GALNTL6: variants seen among roughly 807,000 people sequenced by gnomAD.
The protein encoded by GALNTL6 is polypeptide N-acetylgalactosaminyltransferase-like 6.
In GALNTL6, 46 loss-of-function variants were observed where a neutral mutation model predicts 73.7. The ratio of observed to expected loss-of-function variants is 0.62; its 90% CI spans 0.49 to 0.80. GALNTL6 has a LOEUF of 0.80. Ranked by LOEUF, GALNTL6 falls within the 30% of genes least tolerant of loss-of-function variation. GALNTL6 has a pLI of 0.00. For synonymous variants in GALNTL6, 259 were observed against 263.7 expected, an observed-to-expected ratio of 0.98 and a Z score of 0.17; for missense variants, 604 against 755.0, an observed-to-expected ratio of 0.80 and a Z score of 2.34.
intron 4 of GALNTL6, among the ~76,000 whole-genome samples, chr4:172,341,743 C>G (rs1421809453): frequency 6.6e-6 from 1 of 152,194 alleles, no homozygotes; most frequent in African/African-American, 2.4e-5. Flanking sequence ...CCTTCCCTCC[C>G]TCCATGATTG....
Position 172,539,907 on chromosome 4 carries a change from A to AT in GALNTL6, c.553+191218_553+191219insT, listed in dbSNP as rs1054014774. ...TATATATATATATATATATATATAT[A>AT]AAAAATCTCATTTAATTTTCATGAT... is the stretch of plus-strand genomic sequence containing the variant. On this transcript the variant is annotated intron_variant, in intron 5 of 12. Transcript: ENST00000506823. 4.0e-3 allele frequency among the ~76,000 whole-genome samples: 391 copies of AT among 98,160 alleles called. 4 individuals carry two copies. Among genetic ancestry groups the AT allele is most frequent in the South Asian group, 0.012 (42 of 3,612 alleles). 64.4% of individuals were successfully genotyped at this position (98,160 alleles called of 152,430 possible).
At position 171,814,445 on chromosome 4, in the gene GALNTL6, G is replaced by T. The variant is rs567639394; in HGVS notation, c.-136G>T. The T allele has an allele frequency of 1.2e-6, 1 of 828,726 alleles. No homozygotes were observed. The highest frequency in any genetic ancestry group is 1.7e-5 in the African/African-American group (1 of 57,930). The allele number at this position is 828,726 out of a possible 1,614,324, so 51.3% of individuals were successfully genotyped here. ...CTCCCTCTGAATCCTGCAGATTGGT[G>T]CTGAGCACGCAACAAAAGTTTGTAG... is the stretch of plus-strand genomic sequence containing the variant. On this transcript the variant is annotated 5_prime_UTR_variant, in exon 2 of 13. Transcript: ENST00000506823.
rs147073789 is a variant in GALNTL6 at position 172,915,510 on chromosome 4, T to C, written c.1042-15651T>C. ...ATAGATAGATGGCTAGCAAGACTAA[T>C]AAAGAAGAAAAGAGAGAAGAATCAA... is the stretch of plus-strand genomic sequence containing the variant. On this transcript the variant is annotated intron_variant, in intron 8 of 12. Transcript: ENST00000506823. Among the ~76,000 whole-genome samples, 926 of 151,910 alleles carry C rather than the reference T, an allele frequency of 6.1e-3. 8 individuals are homozygous for C. Among genetic ancestry groups the C allele is most frequent in the African/African-American group, 0.021 (863 of 41,408 alleles).
At chr4:171,968,409 C>T (rs905732031) in intron 2 of GALNTL6, among the ~76,000 whole-genome samples, 5 of 152,148 alleles carry the variant, frequency 3.3e-5, no homozygotes, top group African/African-American at 9.7e-5. Flanking sequence ...AATTGCTCGT[C>T]TTTTAAACAC....
chr4:172,774,598 T>C (rs886418469), intron 5 of GALNTL6, among the ~76,000 whole-genome samples: 3 of 152,200 alleles, frequency 2.0e-5, no homozygotes, highest in African/African-American at 4.8e-5. Context: ...TGTAGTTGCA[T>C]GTCAGTTGGG....
intron 2 of GALNTL6, among the ~76,000 whole-genome samples, chr4:171,886,772 A>C (rs1169136493): frequency 6.6e-6 from 1 of 152,226 alleles, no homozygotes; most frequent in Non-Finnish European, 1.5e-5. Flanking sequence ...TGTGGATACA[A>C]ATTTATCAGG....
intron 2 of GALNTL6, among the ~76,000 whole-genome samples, chr4:171,836,807 A>G (rs970276986): frequency 3.9e-5 from 6 of 152,144 alleles, no homozygotes; most frequent in Admixed American, 1.3e-4. Flanking sequence ...ACAAGCAAAT[A>G]GATCAAATAA....
intron 5 of GALNTL6, among the ~76,000 whole-genome samples, chr4:172,540,840 A>T (rs1341941413): frequency 1.3e-5 from 2 of 152,212 alleles, no homozygotes; most frequent in South Asian, 4.1e-4. Flanking sequence ...CCCTTGTTAT[A>T]TAGATGAAGC....
At chr4:172,671,945 C>A (rs1732009663) in intron 5 of GALNTL6, among the ~76,000 whole-genome samples, 1 of 152,144 alleles carries the variant, frequency 6.6e-6, no homozygotes, top group Admixed American at 6.5e-5. Context: ...GGCTGGAGTG[C>A]AGTGGTGCAA....
intron 5 of GALNTL6, among the ~76,000 whole-genome samples, chr4:172,733,957 G>A (rs1168682895): frequency 6.6e-6 from 1 of 152,158 alleles, no homozygotes; most frequent in Non-Finnish European, 1.5e-5. Flanking sequence ...AAGAAGACAG[G>A]AAGATGTGGG....
intron 2 of GALNTL6, among the ~76,000 whole-genome samples, chr4:172,155,470 T>G (rs764145281): frequency 1.3e-5 from 2 of 152,176 alleles, no homozygotes; most frequent in African/African-American, 2.4e-5. Context: ...AAAAACATTT[T>G]GTTGTTTACA....
In GALNTL6 at chr4:172,420,528, A is replaced by G. The variant is rs546909349; in HGVS notation, c.553+71839A>G. On this transcript the variant is annotated intron_variant, in intron 5 of 12. Coordinates refer to ENST00000506823, the MANE Select transcript of GALNTL6 (RefSeq NM_001034845.3). ...AATAGGCAAAGGAAATTTGGAAGAG[A>G]TTGAATTAGTTGTACATCCTTCCTG... Among the ~76,000 whole-genome samples, 3 of 152,294 alleles carry G rather than the reference A, an allele frequency of 2.0e-5. No individual in the cohort carries two copies. In the South Asian group the frequency reaches 6.2e-4, roughly 32 times the overall value.
At chr4:172,657,893 G>A (rs1465139641) in intron 5 of GALNTL6, among the ~76,000 whole-genome samples, 4 of 152,148 alleles carry the variant, frequency 2.6e-5, no homozygotes, top group Admixed American at 1.3e-4. Context: ...GCTCACGCCT[G>A]TAATCCCAGC....
intron 2 of GALNTL6, among the ~76,000 whole-genome samples, chr4:171,938,492 C>T (rs1420347461): frequency 6.6e-6 from 1 of 152,078 alleles, no homozygotes; most frequent in East Asian, 1.9e-4. Context: ...CAGATTTTTA[C>T]ACAGTATGAT....
At chr4:173,033,867 G>C (rs977913858) in intron 12 of GALNTL6, among the ~76,000 whole-genome samples, 8 of 152,144 alleles carry the variant, frequency 5.3e-5, no homozygotes, top group Non-Finnish European at 8.8e-5. Flanking sequence ...CATGGAAATT[G>C]ATAGGAGGGG....
intron 5 of GALNTL6, among the ~76,000 whole-genome samples, chr4:172,513,493 CT>C (rs35877312): frequency 3.9e-4 from 59 of 152,034 alleles, no homozygotes; most frequent in Non-Finnish European, 7.5e-4. Flanking sequence ...TTAAAGAGCC[CT>C]TTTTGTCATA....
intron 2 of GALNTL6, among the ~76,000 whole-genome samples, chr4:172,037,155 A>G (rs1741949958): frequency 6.6e-6 from 1 of 152,182 alleles, no homozygotes; most frequent in African/African-American, 2.4e-5. Context: ...TAACGGGCCC[A>G]GTGCCCCTTA....
At chr4:172,177,841 A>ATG (rs1362255245) in intron 2 of GALNTL6, among the ~76,000 whole-genome samples, 94 of 30,636 alleles carry the variant, frequency 3.1e-3, no homozygotes, top group South Asian at 0.013. Flanking sequence ...ACACATATAT[A>ATG]TGTGTATATA....
chr4:172,169,203 G>T (rs551470693), intron 2 of GALNTL6, among the ~76,000 whole-genome samples: 1 of 152,286 alleles, frequency 6.6e-6, no homozygotes, highest in Non-Finnish European at 1.5e-5. Flanking sequence ...GCTGGGATTT[G>T]CCCTAAGAGA....
Sources: gnomAD v4.1 joint callset for allele counts (sites outside exome capture counted in the v4.1 genomes callset) on GRCh38, gnomAD v4.1.1 for gene constraint, MANE v1.5 for transcripts, NCBI Gene and HGNC (gene_info 2026-07-23, HGNC 2026-07-21) for gene names.